Variants in NR3C2 observed in about 807,000 individuals in gnomAD.
The protein encoded by NR3C2 is nuclear receptor subfamily 3 group C member 2.
A neutral mutation model predicts 86.4 loss-of-function variants in NR3C2; 15 were observed. The ratio of observed to expected loss-of-function variants is 0.17; its 90% CI spans 0.12 to 0.27. NR3C2 has a LOEUF of 0.27. Ranked by LOEUF, NR3C2 falls within the 10% of genes least tolerant of loss-of-function variation. NR3C2 has a pLI of 1.00. For synonymous variants in NR3C2, 458 were observed against 450.5 expected, an observed-to-expected ratio of 1.02 and a Z score of -0.21; for missense variants, 960 against 1,195.6, an observed-to-expected ratio of 0.80 and a Z score of 2.91.
chr4:148,443,472 CTG>C (rs1750454228), upstream of NR3C2, among the ~76,000 whole-genome samples: 1 of 152,102 alleles, frequency 6.6e-6, no homozygotes, highest in Non-Finnish European at 1.5e-5. Flanking sequence ...AGGAACCAAA[CTG>C]TTTTCTAAGG....
chr4:148,226,637 T>C (rs1738181519), intron 3 of NR3C2, among the ~76,000 whole-genome samples: 1 of 152,176 alleles, frequency 6.6e-6, no homozygotes, highest in Non-Finnish European at 1.5e-5. Flanking sequence ...ATATATACAG[T>C]GACTTTATAG....
intron 2 of NR3C2, among the ~76,000 whole-genome samples, chr4:148,346,717 GT>G (rs1489225042): frequency 6.6e-6 from 1 of 152,074 alleles, no homozygotes; most frequent in East Asian, 1.9e-4. Flanking sequence ...ATACTGATAT[GT>G]TGAAATAATA....
At chr4:148,431,829 C>T (rs760241409) in intron 2 of NR3C2, among the ~76,000 whole-genome samples, 5 of 152,140 alleles carry the variant, frequency 3.3e-5, no homozygotes, top group Non-Finnish European at 5.9e-5. Context: ...CTTCATTAAC[C>T]TCCAAAGCGT....
At chr4:148,090,680 G>A (rs1226864174) in intron 8 of NR3C2, among the ~76,000 whole-genome samples, 1 of 152,184 alleles carries the variant, frequency 6.6e-6, no homozygotes, top group African/African-American at 2.4e-5. Flanking sequence ...GAACGGAGAG[G>A]GGCTGGGGTT....
At chr4:148,253,114 GA>G (rs2149862699) in intron 3 of NR3C2, among the ~76,000 whole-genome samples, 1 of 152,232 alleles carries the variant, frequency 6.6e-6, no homozygotes, top group Admixed American at 6.5e-5. Context: ...CCACTTTGGA[GA>G]AACAAGTGGC....
chr4:148,102,489 T>C (rs1731582791), intron 8 of NR3C2, among the ~76,000 whole-genome samples: 1 of 152,206 alleles, frequency 6.6e-6, no homozygotes, highest in South Asian at 2.1e-4. Context: ...GGGCAGGTGC[T>C]ACCTTGCCCA....
intron 6 of NR3C2, among the ~76,000 whole-genome samples, chr4:148,130,568 A>AT (rs1463906543): frequency 6.6e-6 from 1 of 152,192 alleles, no homozygotes; most frequent in African/African-American, 2.4e-5. Context: ...AGTGGGGTGC[A>AT]TATCTTTCTA....
intron 2 of NR3C2, among the ~76,000 whole-genome samples, chr4:148,325,065 C>G (rs1161530133): frequency 3.3e-5 from 5 of 151,960 alleles, no homozygotes; most frequent in African/African-American, 1.2e-4. Context: ...ATACAAGCAT[C>G]ATGAGATCTG....
Position 148,200,384 on chromosome 4 carries a change from C to T in NR3C2, c.1898-5522G>A, listed in dbSNP as rs193121574. ...CAGCCCCCTTCCCGCCTGCTATATG[C>T]CCAATTTTAAAGCTACAAGGAGTTG... On this transcript the variant is annotated intron_variant, in intron 3 of 8. Transcript: ENST00000358102. Among the ~76,000 whole-genome samples the T allele has an allele frequency of 4.0e-5, 6 of 150,890 alleles. No individual in the cohort carries two copies. The East Asian group carries it at 1.2e-3, about 30-fold the overall frequency.
chr4:148,181,968 T>G (rs1413957090), intron 4 of NR3C2, among the ~76,000 whole-genome samples: 1 of 152,214 alleles, frequency 6.6e-6, no homozygotes, highest in African/African-American at 2.4e-5. Flanking sequence ...AGAGGCCAGT[T>G]TGGGGACATG....
chr4:148,378,140 T>A (rs1746771713), intron 2 of NR3C2, among the ~76,000 whole-genome samples: 1 of 152,178 alleles, frequency 6.6e-6, no homozygotes, highest in African/African-American at 2.4e-5. Context: ...AAGATTGAAA[T>A]TCCCTACAAT....
intron 3 of NR3C2, among the ~76,000 whole-genome samples, chr4:148,215,220 T>C (rs967314171): frequency 2.0e-5 from 3 of 152,240 alleles, no homozygotes; most frequent in African/African-American, 7.2e-5. Context: ...GTGTTACCCT[T>C]ATGTCCTTGG....
chr4:148,233,995 T>C (rs1404222286), intron 3 of NR3C2, among the ~76,000 whole-genome samples: 2 of 152,238 alleles, frequency 1.3e-5, no homozygotes, highest in Admixed American at 6.5e-5. Context: ...AATTAACAAA[T>C]GCAATAACTG....
At chr4:148,322,640 T>C (rs1161172542) in intron 2 of NR3C2, among the ~76,000 whole-genome samples, 3 of 88,232 alleles carry the variant, frequency 3.4e-5, no homozygotes, top group East Asian at 3.6e-4. Flanking sequence ...CATCTTCCAT[T>C]GCTGATACCC....
At chr4:148,136,601 C>T (rs769532570) in intron 6 of NR3C2, among the ~76,000 whole-genome samples, 9 of 152,178 alleles carry the variant, frequency 5.9e-5, no homozygotes, top group Non-Finnish European at 1.3e-4. Context: ...TCAAGCTACA[C>T]AGTTTTGCCC....
At chr4:148,117,776 C>T (rs1732337838) in intron 7 of NR3C2, among the ~76,000 whole-genome samples, 2 of 152,278 alleles carry the variant, frequency 1.3e-5, no homozygotes, top group East Asian at 1.9e-4. Flanking sequence ...CATACGCATT[C>T]GGAAATCCTG....
intron 4 of NR3C2, among the ~76,000 whole-genome samples, chr4:148,186,127 C>G (rs927541175): frequency 7.9e-5 from 12 of 152,186 alleles, no homozygotes; most frequent in African/African-American, 1.2e-4. Flanking sequence ...TCCATACTCT[C>G]ATCAAACAGT....
rs1742133706 is a variant in NR3C2 at position 148,297,821 on chromosome 4, G to A, written c.1758-37704C>T. Among the ~76,000 whole-genome samples the A allele has an allele frequency of 3.3e-5, 5 of 151,866 alleles. No individual in the cohort carries two copies. The South Asian group carries it at 1.0e-3, about 32-fold the overall frequency. ...GGAGAATTGCTTGAACCTGGGAGGC[G>A]GAGGTTGCAGTGAGCTGAGATTGCG... On this transcript the variant is annotated intron_variant, in intron 2 of 8. Coordinates refer to ENST00000358102, the MANE Select transcript of NR3C2 (RefSeq NM_000901.5).
At chr4:148,133,836 G>A (rs1578920392) in intron 6 of NR3C2, among the ~76,000 whole-genome samples, 1 of 152,346 alleles carries the variant, frequency 6.6e-6, no homozygotes, top group East Asian at 1.9e-4. Flanking sequence ...GTGGGGACAA[G>A]GAAGGTAGAA....
Sources: gnomAD v4.1 joint callset for allele counts (sites outside exome capture counted in the v4.1 genomes callset) on GRCh38, gnomAD v4.1.1 for gene constraint, MANE v1.5 for transcripts, NCBI Gene and HGNC (gene_info 2026-07-23, HGNC 2026-07-21) for gene names.